UNKL: variants seen among roughly 807,000 people sequenced by gnomAD.
UNKL encodes putative E3 ubiquitin-protein ligase UNKL.
A neutral mutation model predicts 78.0 loss-of-function variants in UNKL; 60 were observed. The ratio of observed to expected loss-of-function variants is 0.77; its 90% CI spans 0.63 to 0.95. The LOEUF is 0.95. UNKL is among the 40% of genes least tolerant of loss of function. The pLI, the probability that UNKL is intolerant of heterozygous loss-of-function variation, is 0.00. For synonymous variants in UNKL, 608 were observed against 474.8 expected (o/e 1.28, Z -3.65); for missense variants, 1,159 against 1,045.7 (o/e 1.11, Z -1.49).
intron 8 of UNKL, among the ~76,000 whole-genome samples, chr16:1,391,133 G>A (rs1376433005): frequency 7.3e-5 from 11 of 151,002 alleles, no homozygotes; most frequent in Non-Finnish European, 1.3e-4. Flanking sequence ...CTGGGTGATA[G>A]AGTGAGACTC....
chr16:1,366,539 G>A (rs2141902280), intron 14 of UNKL, 144 bp from the exon 15 acceptor site: 1 of 1,091,210 alleles, frequency 9.2e-7, no homozygotes. Flanking sequence ...AGACGCCCCA[G>A]CCAGGGCCAC....
At chr16:1,376,177 TG>T (rs2142019845) in intron 10 of UNKL, among the ~76,000 whole-genome samples, 1 of 129,690 alleles carries the variant, frequency 7.7e-6, no homozygotes, top group African/African-American at 3.0e-5. Context: ...AGTCCAAGGC[TG>T]GGGCATGCTC....
chr16:1,383,717 T>C (rs1297378141), intron 10 of UNKL: 4 of 403,028 alleles, frequency 9.9e-6, no homozygotes, highest in Admixed American at 2.6e-5. Flanking sequence ...GCAAGAGTCA[T>C]TGCGGGTCTG....
chr16:1,383,805 G>A, intron 10 of UNKL: 1 of 446,066 alleles, frequency 2.2e-6, no homozygotes, highest in South Asian at 1.6e-5. Flanking sequence ...AGTGTGTCCA[G>A]GCAGGGACTG....
chr16:1,410,349 T>C (rs2037982910), intron 2 of UNKL, among the ~76,000 whole-genome samples: 1 of 151,984 alleles, frequency 6.6e-6, no homozygotes, highest in Non-Finnish European at 1.5e-5. Flanking sequence ...GGCCCATGCC[T>C]GTAATCCCAG....
Position 1,384,316 on chromosome 16 carries a change from A to G in UNKL, c.1264+892T>C, listed in dbSNP as rs113918977. ...GCTGAAAGGGACCAAGGACACACAC[A>G]GCCCAGCTCCTGGCACTGTCTTGCC... is the stretch of plus-strand genomic sequence containing the variant. On this transcript the variant is annotated intron_variant, in intron 10 of 14. Transcript: ENST00000389221. 1.7e-3 allele frequency among the ~76,000 whole-genome samples: 256 copies of G among 150,588 alleles called. 3 individuals are homozygous for G. The highest frequency in any genetic ancestry group is 5.4e-3 in the African/African-American group (221 of 40,894).
At chr16:1,404,598 G>A (rs539467966) in intron 2 of UNKL, among the ~76,000 whole-genome samples, 70 of 152,280 alleles carry the variant, frequency 4.6e-4, no homozygotes, top group Non-Finnish European at 9.1e-4. Context: ...GGTACCCAGC[G>A]ATCCTGCTCC....
At chr16:1,370,033 A>G in intron 12 of UNKL, 97 bp downstream of exon 12, 4 of 1,551,130 alleles carry the variant, frequency 2.6e-6, no homozygotes, top group Non-Finnish European at 3.5e-6. Context: ...GATAGGGCAC[A>G]AGGTTCCGTG....
chr16:1,390,695 C>G lies in UNKL; in HGVS notation c.1024-1G>C, dbSNP rs1282311849. The G allele has an allele frequency of 4.6e-6, 7 of 1,535,846 alleles. No homozygotes were observed. The African/African-American group carries it at 5.5e-5, about 12-fold the overall frequency. On this transcript the variant is annotated splice_acceptor_variant, in intron 8 of 14. Coordinates refer to ENST00000389221, the MANE Select transcript of UNKL (RefSeq NM_001372107.1). LOFTEE classifies it high-confidence loss of function. The stretch of plus-strand genomic sequence containing the variant: ...CGGCCGGCGAGTCTCTCCGCTTGGC[C>G]TGCAACATAAAAAACAGTCATATGT...
Position 1,401,670 on chromosome 16 carries a change from C to T in UNKL, c.496G>A (p.Gly166Ser). The T allele has an allele frequency of 3.7e-6, 6 of 1,611,982 alleles. No homozygotes were observed. Among genetic ancestry groups the T allele is most frequent in the East Asian group, 2.2e-5 (1 of 44,830 alleles). Reference sequence around the variant, plus strand: ...ACCCCTTCCCCGCCGCCCAGCTGGCCGTTCTGCAAGGCTTCCTGGGCCTGC... The same window carrying T: ...ACCCCTTCCCCGCCGCCCAGCTGGCTGTTCTGCAAGGCTTCCTGGGCCTGC... ...ELQAQEALQN[G>S]QLGGGEGVPD... The change falls in exon 4 of 15, where the codon GGC becomes AGC. Residue 166 changes from glycine (G) to serine (S), a missense_variant. By Grantham distance (56) the Gly-to-Ser change is moderately conservative. Transcript: ENST00000389221.
At position 1,403,486 on chromosome 16, in the gene UNKL, C is replaced by T. The variant is rs868609561; in HGVS notation, c.288-142G>A. 34 of 1,081,510 alleles carry T rather than the reference C, an allele frequency of 3.1e-5. No individual in the cohort carries two copies. In the Middle Eastern group the frequency reaches 1.4e-3, roughly 46 times the overall value. The allele number at this position is 1,081,510 out of a possible 1,614,324, so 67.0% of individuals were successfully genotyped here. A position where few individuals can be genotyped will look rare whatever the true frequency, so the allele number is the denominator to read the frequency against. On this transcript the variant is annotated intron_variant, in intron 2 of 14. Coordinates refer to ENST00000389221, the MANE Select transcript of UNKL (RefSeq NM_001372107.1). This position sits in a 1 kb window ranked among gnomAD's most constrained non-coding sequence, Gnocchi z 4.8. ...CAGATTCCTGTTCTAATCAGAAGGA[C>T]GGACACACTGGACGCAGCACCTGTC...
At chr16:1,378,885 T>C (rs2142047606) in intron 10 of UNKL, 1 of 152,544 alleles carries the variant, frequency 6.6e-6, no homozygotes, top group African/African-American at 2.4e-5. Context: ...TGGCCCACTT[T>C]CTCACCCGCA....
chr16:1,367,403 A>G (rs1596636670), intron 13 of UNKL, 54 bp from the exon 14 acceptor site: 4 of 1,480,062 alleles, frequency 2.7e-6, no homozygotes, highest in Middle Eastern at 4.4e-4. Context: ...CCACCTGCAG[A>G]CCCTCTTGCC....
intron 10 of UNKL, among the ~76,000 whole-genome samples, chr16:1,377,600 G>C (rs2036330991): frequency 6.6e-6 from 1 of 151,874 alleles, no homozygotes; most frequent in African/African-American, 2.4e-5. Flanking sequence ...CCTGTGCCCT[G>C]AACTGCCTCT....
Position 1,371,779 on chromosome 16 carries a change from G to GC in UNKL, c.1265-169dup, listed in dbSNP as rs544205614. Among the ~76,000 whole-genome samples the GC allele has an allele frequency of 1.1e-4, 16 of 152,270 alleles. No individual in the cohort carries two copies. In the East Asian group the frequency reaches 2.5e-3, roughly 24 times the overall value. ...AGGACACCCCCAGCCCGTCCTCGCA[G>GC]CCCCCCACAGGCAGTGTGAGGCTTG... On this transcript the variant is annotated intron_variant, in intron 10 of 14. Transcript: ENST00000389221.
chr16:1,389,508 C>T (rs1338664466), intron 9 of UNKL, among the ~76,000 whole-genome samples: 3 of 152,192 alleles, frequency 2.0e-5, no homozygotes, highest in South Asian at 4.1e-4. Flanking sequence ...CCTGGGAGTC[C>T]CGGGCTGCAG....
At chr16:1,370,573 C>T (rs2035724145) in intron 11 of UNKL, among the ~76,000 whole-genome samples, 1 of 152,126 alleles carries the variant, frequency 6.6e-6, no homozygotes, top group South Asian at 2.1e-4. Flanking sequence ...AAGCCATGGG[C>T]TCAAAGGGAT....
Position 1,397,253 on chromosome 16 carries a change from C to T in UNKL, c.777G>A (p.Gly259=), listed in dbSNP as rs370134727. 6 of 1,541,570 alleles carry T rather than the reference C, an allele frequency of 3.9e-6. No homozygotes were observed. In the African/African-American group the frequency reaches 4.1e-5, roughly 11 times the overall value. Residue 259 remains glycine, a synonymous_variant, in exon 6 of 15, where the codon GGG becomes GGA. Transcript: ENST00000389221. ...CGCCGCCATCGCAGCGTGAGGGTTCCCCCCACTCATCCCCGTGCTTCACAC... is the reference window on the plus strand; with the variant it reads ...CGCCGCCATCGCAGCGTGAGGGTTCTCCCCACTCATCCCCGTGCTTCACAC... ...CPSVKHGDEW[G]EPSRCDGGDG... is the part of the protein sequence containing the mutation.
intron 2 of UNKL, among the ~76,000 whole-genome samples, chr16:1,405,656 T>C (rs1022869326): frequency 6.6e-6 from 1 of 150,924 alleles, no homozygotes; most frequent in Non-Finnish European, 1.5e-5. Flanking sequence ...AGGGAATACC[T>C]AAGAGAAAGC....
Sources: allele counts gnomAD v4.1 joint callset (sites outside exome capture counted in the v4.1 genomes callset), GRCh38; gene constraint gnomAD v4.1.1; non-coding constraint Gnocchi (gnomAD v3.1); transcripts MANE v1.5; gene names NCBI Gene and HGNC (gene_info 2026-07-23, HGNC 2026-07-21).